The following SPAG16 variants were observed in gnomAD, a reference collection of about 807,000 sequenced individuals.
The protein encoded by SPAG16 is sperm-associated antigen 16 protein.
SPAG16 carries 86 observed loss-of-function variants against 80.4 expected under a neutral mutation model. The ratio of observed to expected loss-of-function variants is 1.07; its 90% CI spans 0.90 to 1.28. SPAG16 has a LOEUF of 1.28. Among genes scored for constraint, SPAG16 ranks in the 50% most tolerant of loss-of-function variants. The pLI is 0.00. For synonymous variants in SPAG16, 294 were observed against 265.9 expected (o/e 1.11, Z -1.03); for missense variants, 870 against 765.3 (o/e 1.14, Z -1.61).
chr2:213,726,936 A>G (rs2066794363), intron 10 of SPAG16, among the ~76,000 whole-genome samples: 1 of 152,188 alleles, frequency 6.6e-6, no homozygotes, highest in Admixed American at 6.5e-5. Flanking sequence ...CTACTCCGCA[A>G]ATTTAATTTT....
At chr2:213,340,316 C>T (rs1394326739) in intron 6 of SPAG16, 46 bp downstream of exon 6, 2 of 1,230,884 alleles carry the variant, frequency 1.6e-6, no homozygotes, top group Non-Finnish European at 2.3e-6. Flanking sequence ...TTATTTAATA[C>T]ATGTTAAGTA....
At chr2:213,781,714 T>G (rs938693327) in intron 10 of SPAG16, among the ~76,000 whole-genome samples, 1 of 152,204 alleles carries the variant, frequency 6.6e-6, no homozygotes, top group East Asian at 1.9e-4. Context: ...CTAGAACTTC[T>G]GAAATCACAT....
intron 15 of SPAG16, among the ~76,000 whole-genome samples, chr2:214,222,110 C>CTT (rs10694178): frequency 0.5 from 52,239 of 103,482 alleles, 16,285 homozygotes; most frequent in Non-Finnish European, 0.67. Context: ...CCTTGCTATT[C>CTT]TTTTTTTTTT....
At chr2:213,652,650 A>G (rs545725941) in intron 10 of SPAG16, among the ~76,000 whole-genome samples, 1 of 152,260 alleles carries the variant, frequency 6.6e-6, no homozygotes, top group Non-Finnish European at 1.5e-5. Context: ...TAATTATATC[A>G]GACATTTTTT....
intron 5 of SPAG16, among the ~76,000 whole-genome samples, chr2:213,331,386 G>A (rs1382836652): frequency 4.6e-5 from 7 of 152,136 alleles, no homozygotes; most frequent in African/African-American, 9.7e-5. Flanking sequence ...TTCAGCAAGA[G>A]GATATAACAA....
At chr2:213,737,299 A>C (rs2067325203) in intron 10 of SPAG16, among the ~76,000 whole-genome samples, 1 of 152,136 alleles carries the variant, frequency 6.6e-6, no homozygotes, top group African/African-American at 2.4e-5. Flanking sequence ...TTCTTTGTGC[A>C]TACGTGTTTG....
intron 12 of SPAG16, among the ~76,000 whole-genome samples, chr2:213,952,751 C>T (rs751933221): frequency 2.6e-5 from 4 of 152,052 alleles, no homozygotes; most frequent in Non-Finnish European, 4.4e-5. Context: ...TACTGTCCAT[C>T]GTAGATCCCC....
At chr2:213,500,371 A>G (rs139151214) in intron 10 of SPAG16, among the ~76,000 whole-genome samples, 2 of 152,304 alleles carry the variant, frequency 1.3e-5, no homozygotes, top group African/African-American at 2.4e-5. Flanking sequence ...AAGACCACCA[A>G]TAGGAGGAAG....
At chr2:213,919,518 C>A (rs1355588962) in intron 11 of SPAG16, among the ~76,000 whole-genome samples, 1 of 152,176 alleles carries the variant, frequency 6.6e-6, no homozygotes, top group Non-Finnish European at 1.5e-5. Context: ...TAACTTCTTA[C>A]TTCTTGATTT....
chr2:214,079,984 A>G (rs895907224), intron 13 of SPAG16, among the ~76,000 whole-genome samples: 3 of 152,200 alleles, frequency 2.0e-5, no homozygotes, highest in Non-Finnish European at 4.4e-5. Flanking sequence ...ACTTTTTATC[A>G]TTCTTCACTG....
At chr2:214,223,850 TGTG>T (rs934215316) in intron 15 of SPAG16, among the ~76,000 whole-genome samples, 59 of 151,968 alleles carry the variant, frequency 3.9e-4, no homozygotes, top group African/African-American at 1.4e-3. Context: ...ACTAATAAAG[TGTG>T]GTGATCAGAA....
chr2:214,201,668 T>C (rs980062091), intron 15 of SPAG16, among the ~76,000 whole-genome samples: 29 of 152,314 alleles, frequency 1.9e-4, no homozygotes, highest in African/African-American at 7.0e-4. Context: ...ATGCCTGATA[T>C]GGGATAGACT....
chr2:213,679,662 G>A (rs1386017487), intron 10 of SPAG16, among the ~76,000 whole-genome samples: 3 of 152,150 alleles, frequency 2.0e-5, no homozygotes, highest in African/African-American at 7.2e-5. Context: ...TATTTGTAAA[G>A]TTACCTTCAG....
chr2:213,712,432 A>G (rs915441062), intron 10 of SPAG16, among the ~76,000 whole-genome samples: 2 of 152,180 alleles, frequency 1.3e-5, no homozygotes, highest in African/African-American at 4.8e-5. Context: ...TAGCTCTAAC[A>G]CTGCAGACAG....
intron 12 of SPAG16, among the ~76,000 whole-genome samples, chr2:214,008,643 G>A (rs2047142193): frequency 6.6e-6 from 1 of 152,020 alleles, no homozygotes; most frequent in Non-Finnish European, 1.5e-5. Context: ...TACTCCAGAG[G>A]CTGAGGTAGG....
intron 13 of SPAG16, among the ~76,000 whole-genome samples, chr2:214,056,699 A>G (rs1438241803): frequency 6.6e-6 from 1 of 152,162 alleles, no homozygotes; most frequent in East Asian, 1.9e-4. Flanking sequence ...TTTGCCACAT[A>G]GACTGACTCT....
chr2:213,615,321 G>A (rs2061556378), intron 10 of SPAG16, among the ~76,000 whole-genome samples: 1 of 152,164 alleles, frequency 6.6e-6, no homozygotes, highest in Non-Finnish European at 1.5e-5. Context: ...GGCTGGGTAC[G>A]GTGGCTCACG....
intron 10 of SPAG16, among the ~76,000 whole-genome samples, chr2:213,560,288 A>G (rs2059561967): frequency 1.3e-5 from 2 of 152,142 alleles, no homozygotes. Flanking sequence ...TTGGGAAAAG[A>G]TAAAGCTAGA....
intron 10 of SPAG16, among the ~76,000 whole-genome samples, chr2:213,710,402 G>A (rs950953941): frequency 3.9e-5 from 6 of 151,982 alleles, no homozygotes; most frequent in African/African-American, 1.5e-4. Context: ...TTATAACTAA[G>A]CGTAAGGTAT....
Sources: gnomAD v4.1 joint callset for allele counts (sites outside exome capture counted in the v4.1 genomes callset) on GRCh38, gnomAD v4.1.1 for gene constraint, MANE v1.5 for transcripts, NCBI Gene and HGNC (gene_info 2026-07-23, HGNC 2026-07-21) for gene names.